The following PRTG variants were observed in gnomAD, a reference collection of about 807,000 sequenced individuals.
PRTG encodes the protein protogenin, also known as immunoglobulin superfamily, DCC subclass, member 5.
In PRTG, 67 loss-of-function variants were observed where a neutral mutation model predicts 122.5. The ratio of observed to expected loss-of-function variants is 0.55; its 90% confidence interval spans 0.45 to 0.67. The LOEUF (loss-of-function observed/expected upper bound fraction) is 0.67. Ranked by LOEUF, PRTG falls within the 30% of genes least tolerant of loss-of-function variation. The probability of loss-of-function intolerance (pLI) is 0.00; values close to 1 mark genes in which losing one functional copy is unlikely to be tolerated. For missense variants in PRTG, 1,435 were observed against 1,415.4 expected, an observed-to-expected ratio of 1.01 and a Z score of -0.22; for synonymous variants, 554 against 501.1, an observed-to-expected ratio of 1.11 and a Z score of -1.41.
intron 2 of PRTG, among the ~76,000 whole-genome samples, chr15:55,726,922 C>A: frequency 6.8e-6 from 1 of 147,224 alleles, no homozygotes. Flanking sequence ...CATTCCAGCC[C>A]AGGCAACAAC....
At chr15:55,633,158 T>C (rs770956214) in intron 15 of PRTG, among the ~76,000 whole-genome samples, 5 of 152,184 alleles carry the variant, frequency 3.3e-5, no homozygotes, top group Admixed American at 6.5e-5. Flanking sequence ...CAGAACATAA[T>C]TTCCTCCAGT....
chr15:55,625,527 C>T (rs1260946127), intron 17 of PRTG, among the ~76,000 whole-genome samples: 1 of 151,884 alleles, frequency 6.6e-6, no homozygotes, highest in East Asian at 1.9e-4. Context: ...TCATAGCTCA[C>T]TGTAACCTCA....
At chr15:55,641,266 T>C in intron 11 of PRTG, 58 bp from the exon 12 acceptor site, 2 of 1,268,972 alleles carry the variant, frequency 1.6e-6, no homozygotes, top group South Asian at 1.3e-5. Flanking sequence ...GAGCAAAGGT[T>C]CTGAATGAAG....
intron 3 of PRTG, among the ~76,000 whole-genome samples, 196 bp from the exon 4 acceptor site, chr15:55,682,693 C>A (rs1197161996): frequency 1.3e-5 from 2 of 151,882 alleles, no homozygotes; most frequent in Admixed American, 1.3e-4. Context: ...GCCTACCAAG[C>A]AGCTGGGATT....
At position 55,641,100 on chromosome 15, in the gene PRTG, G is replaced by A; in HGVS notation, c.2137+13C>T. 1 of 1,586,632 alleles carries A rather than the reference G, an allele frequency of 6.3e-7. No homozygotes were observed. The highest frequency in any genetic ancestry group is 1.7e-4 in the Middle Eastern group (1 of 6,028). ...GAGCCATAGTAAAACAAACTGCCATGGCTTTCACTTACACACGCATCCTGG... is the reference window on the plus strand; with the variant it reads ...GAGCCATAGTAAAACAAACTGCCATAGCTTTCACTTACACACGCATCCTGG... On this transcript the variant is annotated intron_variant, in intron 12 of 19. Transcript: ENST00000389286.
At chr15:55,731,892 C>A (rs115611871) in intron 2 of PRTG, among the ~76,000 whole-genome samples, 2,693 of 152,250 alleles carry the variant, frequency 0.018, 91 homozygotes, top group African/African-American at 0.062. Flanking sequence ...AGAAACACAT[C>A]GTTAGGTGAT....
In PRTG at chr15:55,740,099, C is replaced by T. The variant is rs572148191; in HGVS notation, c.397+283G>A. 1.4e-4 allele frequency among the ~76,000 whole-genome samples: 22 copies of T among 152,328 alleles called. No individual in the cohort carries two copies. The South Asian group carries it at 4.6e-3, about 32-fold the overall frequency. ...GTTGGCCAAACTTCTACATCCAACT[C>T]TTCATACTTCGTGAAATGCTTAAAA... On this transcript the variant is annotated intron_variant, in intron 2 of 19. Coordinates refer to ENST00000389286, the MANE Select transcript of PRTG (RefSeq NM_173814.6).
intron 11 of PRTG, among the ~76,000 whole-genome samples, chr15:55,660,879 G>A (rs1280290366): frequency 6.6e-6 from 1 of 152,152 alleles, no homozygotes; most frequent in East Asian, 1.9e-4. Context: ...ATAGATCTGA[G>A]TATCTGAGTA....
intron 2 of PRTG, among the ~76,000 whole-genome samples, chr15:55,737,955 A>G (rs1329519995): frequency 6.8e-6 from 1 of 147,906 alleles, no homozygotes; most frequent in African/African-American, 2.5e-5. Context: ...AAAGAAAACC[A>G]GAATGTCCAC....
intron 12 of PRTG, 51 bp downstream of exon 12, chr15:55,641,062 G>A: frequency 7.9e-7 from 1 of 1,260,216 alleles, no homozygotes; most frequent in Non-Finnish European, 1.2e-6. Context: ...AGGAGGAGGA[G>A]AAAGAACGGT....
At chr15:55,701,151 A>G (rs1452335907) in intron 2 of PRTG, among the ~76,000 whole-genome samples, 1 of 152,210 alleles carries the variant, frequency 6.6e-6, no homozygotes, top group Non-Finnish European at 1.5e-5. Flanking sequence ...GAGTACCTGG[A>G]ACTCTGATAC....
At chr15:55,620,513 C>G (rs2059160348) in intron 19 of PRTG, 150 bp downstream of exon 19, 1 of 1,313,242 alleles carries the variant, frequency 7.6e-7, no homozygotes, top group Non-Finnish European at 1.0e-6. Context: ...TCACCTCGCT[C>G]TCCACAGAGC....
chr15:55,739,325 C>T (rs1306145262), intron 2 of PRTG, among the ~76,000 whole-genome samples: 1 of 150,706 alleles, frequency 6.6e-6, no homozygotes, highest in Non-Finnish European at 1.5e-5. Context: ...GACTCAAACT[C>T]CAGGGCTCAA....
At chr15:55,649,791 CAATA>C (rs59626091) in intron 11 of PRTG, among the ~76,000 whole-genome samples, 8,325 of 147,860 alleles carry the variant, frequency 0.056, 323 homozygotes, top group Non-Finnish European at 0.078. Context: ...GACTCAGTCT[CAATA>C]AATAAATAAA....
chr15:55,677,736 C>T, intron 8 of PRTG, 61 bp downstream of exon 8: 1 of 1,540,414 alleles, frequency 6.5e-7, no homozygotes, highest in Admixed American at 1.8e-5. Context: ...ATTATTCGTA[C>T]TGAAAACAAA....
At chr15:55,705,275 G>A (rs1385294970) in intron 2 of PRTG, among the ~76,000 whole-genome samples, 1 of 152,088 alleles carries the variant, frequency 6.6e-6, no homozygotes, top group Non-Finnish European at 1.5e-5. Flanking sequence ...TCTCCCAGTA[G>A]GACACATACA....
At chr15:55,701,132 G>A (rs1317363610) in intron 2 of PRTG, among the ~76,000 whole-genome samples, 4 of 152,226 alleles carry the variant, frequency 2.6e-5, no homozygotes, top group South Asian at 2.1e-4. Context: ...AAGTTCTGGT[G>A]AGGATATGGA....
chr15:55,666,993 C>G (rs1307411065), intron 11 of PRTG, among the ~76,000 whole-genome samples: 1 of 152,118 alleles, frequency 6.6e-6, no homozygotes, highest in Non-Finnish European at 1.5e-5. Flanking sequence ...ACCGTCAGTG[C>G]CATGTGGTTT....
intron 2 of PRTG, among the ~76,000 whole-genome samples, chr15:55,733,163 T>G (rs1372126240): frequency 6.6e-6 from 1 of 151,808 alleles, no homozygotes; most frequent in Non-Finnish European, 1.5e-5. Flanking sequence ...GAGCCGAGAT[T>G]GCGCCACTGC....
Sources: allele counts gnomAD v4.1 joint callset (sites outside exome capture counted in the v4.1 genomes callset), GRCh38; gene constraint gnomAD v4.1.1; transcripts MANE v1.5; gene names NCBI Gene and HGNC (gene_info 2026-07-23, HGNC 2026-07-21).